Variants in RNF180 observed in about 807,000 individuals in gnomAD.
The protein encoded by RNF180 is E3 ubiquitin-protein ligase RNF180.
In RNF180, 38 loss-of-function variants were observed where a neutral mutation model predicts 59.2. The observed-to-expected ratio is 0.64, with a 90% CI of 0.50 to 0.84. RNF180 has a LOEUF of 0.84. Among genes scored for constraint, RNF180 ranks in the 40% least tolerant of loss-of-function variants. The probability of loss-of-function intolerance (pLI) is 0.00; values close to 1 mark genes in which losing one functional copy is unlikely to be tolerated. For synonymous variants in RNF180, 262 were observed against 240.3 expected, an observed-to-expected ratio of 1.09 and a Z score of -0.84; for missense variants, 705 against 700.9, an observed-to-expected ratio of 1.01 and a Z score of -0.07.
At chr5:64,365,574 G>A (rs889941464) in intron 7 of RNF180, among the ~76,000 whole-genome samples, 1 of 151,678 alleles carries the variant, frequency 6.6e-6, no homozygotes, top group Non-Finnish European at 1.5e-5. Flanking sequence ...AGTACTTTCA[G>A]TGGGGTGTTG....
At chr5:64,253,639 A>G (rs763096438) in intron 5 of RNF180, among the ~76,000 whole-genome samples, 4 of 152,154 alleles carry the variant, frequency 2.6e-5, no homozygotes, top group Non-Finnish European at 4.4e-5. Context: ...ATAGAGTCTC[A>G]GGAGTTTTAT....
At chr5:64,303,367 A>T (rs1743259760) in intron 5 of RNF180, among the ~76,000 whole-genome samples, 1 of 151,704 alleles carries the variant, frequency 6.6e-6, no homozygotes, top group East Asian at 1.9e-4. Context: ...TAGATTAGTA[A>T]GCTTAGTGAG....
Position 64,270,207 on chromosome 5 carries a change from A to G in RNF180, c.1227+52811A>G, listed in dbSNP as rs542674918. ...TACATTTTTAGAGGAGACTACCGTA[A>G]TTGATAACTAGCGCCACCCAAGTGA... On this transcript the variant is annotated intron_variant, in intron 5 of 7. Coordinates refer to ENST00000389100, the MANE Select transcript of RNF180 (RefSeq NM_001113561.2). Among the ~76,000 whole-genome samples, 25 of 150,630 alleles carry G rather than the reference A, an allele frequency of 1.7e-4. No homozygotes were observed. The South Asian group carries it at 5.2e-3, about 31-fold the overall frequency.
chr5:64,280,657 G>A (rs1741965959), intron 5 of RNF180, among the ~76,000 whole-genome samples: 1 of 151,524 alleles, frequency 6.6e-6, no homozygotes, highest in Non-Finnish European at 1.5e-5. Context: ...CTGTTACATT[G>A]GTCTGCGTGT....
intron 5 of RNF180, among the ~76,000 whole-genome samples, chr5:64,230,109 T>C (rs1437271268): frequency 6.6e-6 from 1 of 152,238 alleles, no homozygotes; most frequent in Non-Finnish European, 1.5e-5. Flanking sequence ...TTGTCTAATC[T>C]GTAGGAAATA....
At chr5:64,168,441 G>C (rs1749763368) in intron 1 of RNF180, among the ~76,000 whole-genome samples, 1 of 152,188 alleles carries the variant, frequency 6.6e-6, no homozygotes, top group Non-Finnish European at 1.5e-5. Context: ...GTGCTTACTT[G>C]TAGGCTGAAG....
rs1392882628 is a variant in RNF180, at chr5:64,340,918, C to A, written c.1579+10512C>A. ...CAGTGTTTCATTCTCTCCTTTCCTC[C>A]CTCCCTCTTCCTTTACCTCCTTCCC... On this transcript the variant is annotated intron_variant, in intron 7 of 7. Coordinates refer to ENST00000389100, the MANE Select transcript of RNF180 (RefSeq NM_001113561.2). Among the ~76,000 whole-genome samples the A allele has an allele frequency of 2.6e-5, 4 of 151,950 alleles. No homozygotes were observed. In the East Asian group the frequency reaches 7.7e-4, roughly 29 times the overall value.
chr5:64,295,918 G>A lies in RNF180; in HGVS notation c.1228-29268G>A, dbSNP rs549534770. 2.0e-5 allele frequency among the ~76,000 whole-genome samples: 3 copies of A among 152,194 alleles called. No homozygotes were observed. The South Asian group carries it at 6.2e-4, about 32-fold the overall frequency. ...TAATATTCATGATTCCTGCTTGATG[G>A]GCAGAAGTTATATAGGAATGTTATA... On this transcript the variant is annotated intron_variant, in intron 5 of 7. Coordinates refer to ENST00000389100, the MANE Select transcript of RNF180 (RefSeq NM_001113561.2).
At chr5:64,321,332 A>G (rs986146115) in intron 5 of RNF180, among the ~76,000 whole-genome samples, 2 of 152,304 alleles carry the variant, frequency 1.3e-5, no homozygotes, top group South Asian at 2.1e-4. Context: ...GACTCTCAGT[A>G]TACAAAATCA....
intron 1 of RNF180, among the ~76,000 whole-genome samples, chr5:64,186,375 C>T (rs1181502116): frequency 2.6e-5 from 4 of 151,866 alleles, no homozygotes; most frequent in Non-Finnish European, 5.9e-5. Context: ...TGTTTTAGCC[C>T]GTATTTCCCC....
chr5:64,368,210 C>T (rs1031740457), intron 7 of RNF180, among the ~76,000 whole-genome samples: 3 of 151,642 alleles, frequency 2.0e-5, no homozygotes, highest in Non-Finnish European at 4.4e-5. Context: ...TTATGTCTGT[C>T]TAGTTTATTC....
intron 1 of RNF180, among the ~76,000 whole-genome samples, chr5:64,192,903 G>GTGTGTGTATATATATATATATA (rs1486448173): frequency 1.1e-5 from 1 of 93,870 alleles, no homozygotes; most frequent in African/African-American, 4.1e-5. Context: ...AGTGTGGCAT[G>GTGTGTGTATATATATATATATA]TATATATATA....
At chr5:64,356,017 A>G (rs1746006439) in intron 7 of RNF180, among the ~76,000 whole-genome samples, 1 of 151,916 alleles carries the variant, frequency 6.6e-6, no homozygotes, top group South Asian at 2.1e-4. Context: ...GATCAAAATT[A>G]AAAATTTTGA....
chr5:64,352,876 C>T (rs544945765), intron 7 of RNF180, among the ~76,000 whole-genome samples: 1 of 152,038 alleles, frequency 6.6e-6, no homozygotes, highest in East Asian at 1.9e-4. Context: ...AGCTCCATCA[C>T]ATATGTAACC....
intron 5 of RNF180, among the ~76,000 whole-genome samples, chr5:64,290,874 G>A (rs997122120): frequency 4.0e-5 from 6 of 151,790 alleles, no homozygotes; most frequent in African/African-American, 7.3e-5. Flanking sequence ...GCTCATTTAC[G>A]TCTAAAGTTA....
At chr5:64,224,009 A>G (rs984575844) in intron 5 of RNF180, among the ~76,000 whole-genome samples, 5 of 151,870 alleles carry the variant, frequency 3.3e-5, no homozygotes, top group African/African-American at 1.2e-4. Context: ...AGTAGTCACA[A>G]AGGAGCAAGC....
At chr5:64,365,601 G>T (rs1746415919) in intron 7 of RNF180, among the ~76,000 whole-genome samples, 1 of 151,600 alleles carries the variant, frequency 6.6e-6, no homozygotes, top group Admixed American at 6.6e-5. Context: ...CCCACTATTA[G>T]TGTGAGGGAG....
chr5:64,264,847 A>G (rs1260145455), intron 5 of RNF180, among the ~76,000 whole-genome samples: 1 of 152,202 alleles, frequency 6.6e-6, no homozygotes. Context: ...ACTCCCACCA[A>G]CAATGTAAAA....
In RNF180 at chr5:64,372,045, TAA is replaced by T. The variant is rs1030277281; in HGVS notation, c.*2233_*2234del. On this transcript the variant is annotated 3_prime_UTR_variant, in exon 8 of 8. Coordinates refer to ENST00000389100, the MANE Select transcript of RNF180 (RefSeq NM_001113561.2). ...AAAGAAAGGAAAAGAAGAAAAATGT[TAA>T]AGTTAATGAAGCATAGTACTTGTCC... is the stretch of plus-strand genomic sequence containing the variant. The T allele has an allele frequency of 6.6e-6, 1 of 151,732 alleles. No individual in the cohort carries two copies. The highest frequency in any genetic ancestry group is 2.4e-5 in the African/African-American group (1 of 41,402). The allele number at this position is 151,732 out of a possible 1,614,324, so 9.4% of individuals were successfully genotyped here. A position where few individuals can be genotyped will look rare whatever the true frequency, so the allele number is the denominator to read the frequency against.
Sources: allele counts gnomAD v4.1 joint callset (sites outside exome capture counted in the v4.1 genomes callset), GRCh38; gene constraint gnomAD v4.1.1; transcripts MANE v1.5; gene names NCBI Gene and HGNC (gene_info 2026-07-23, HGNC 2026-07-21).